The following TRDMT1 variants were observed in gnomAD, a reference collection of about 807,000 sequenced individuals.
TRDMT1 encodes the protein tRNA aspartic acid methyltransferase 1, also known as tRNA (cytosine(38)-C(5))-methyltransferase.
Under a neutral mutation model 51.2 loss-of-function variants are expected in TRDMT1, and 49 were observed. The observed-to-expected ratio is 0.96, with a 90% CI of 0.76 to 1.21. The LOEUF is 1.21. Ranked by LOEUF, TRDMT1 falls within the 50% of genes most tolerant of loss-of-function variation. The pLI, the probability that TRDMT1 is intolerant of heterozygous loss-of-function variation, is 0.00. For synonymous variants in TRDMT1, 187 were observed against 164.6 expected (o/e 1.14, Z -1.04); for missense variants, 534 against 462.3 (o/e 1.16, Z -1.42).
intron 9 of TRDMT1, 70 bp downstream of exon 9, chr10:17,154,607 T>A (rs1839240611): frequency 8.3e-7 from 1 of 1,208,128 alleles, no homozygotes; most frequent in Admixed American, 2.6e-5. Context: ...ATTATTCTAA[T>A]GTTCTCAAAG....
intron 1 of TRDMT1, 138 bp from the exon 2 acceptor site, chr10:17,174,798 C>A: frequency 1.5e-6 from 1 of 685,384 alleles, no homozygotes. Flanking sequence ...AGTGGAAGGT[C>A]AGGCCAGGGG....
chr10:17,169,510 A>G, intron 2 of TRDMT1: 2 of 1,289,864 alleles, frequency 1.6e-6, no homozygotes, highest in Non-Finnish European at 2.0e-6. Flanking sequence ...TGGGCTAAGT[A>G]GCTGAAAACT....
chr10:17,163,011 G>A lies in TRDMT1; in HGVS notation c.252-774C>T, dbSNP rs143257763. On this transcript the variant is annotated intron_variant, in intron 3 of 10. Transcript: ENST00000377799. The stretch of plus-strand genomic sequence containing the variant: ...TAACCAGAGTTCAGAGGAACGAACT[G>A]CTGAATGGAGTAGCAACCCGAAGCT... Among the ~76,000 whole-genome samples the A allele has an allele frequency of 3.8e-3, 571 of 152,228 alleles. 1 individual carries two copies. Among genetic ancestry groups the A allele is most frequent in the African/African-American group, 0.013 (532 of 41,550 alleles).
chr10:17,194,043 A>G (rs1406122549), intron 1 of TRDMT1, among the ~76,000 whole-genome samples: 1 of 152,014 alleles, frequency 6.6e-6, no homozygotes, highest in Admixed American at 6.6e-5. Context: ...CAAAGTAGAC[A>G]AAAAAAATGG....
chr10:17,182,576 G>C (rs975791204), intron 1 of TRDMT1, among the ~76,000 whole-genome samples: 5 of 152,132 alleles, frequency 3.3e-5, no homozygotes, highest in African/African-American at 1.2e-4. Flanking sequence ...TATTCTTCTT[G>C]ATAAAACTGT....
intron 1 of TRDMT1, among the ~76,000 whole-genome samples, chr10:17,183,111 T>A (rs929376052): frequency 3.3e-5 from 5 of 152,204 alleles, no homozygotes; most frequent in Non-Finnish European, 5.9e-5. Context: ...TATGTAAAGA[T>A]AAGAGTGTAT....
At chr10:17,174,166 A>G (rs1037269691) in intron 2 of TRDMT1, among the ~76,000 whole-genome samples, 2 of 152,234 alleles carry the variant, frequency 1.3e-5, no homozygotes, top group South Asian at 4.1e-4. Context: ...GTTTGCTAAA[A>G]TAAGAAGCAT....
intron 1 of TRDMT1, among the ~76,000 whole-genome samples, chr10:17,195,169 C>T (rs1303749818): frequency 1.3e-5 from 2 of 152,142 alleles, no homozygotes; most frequent in Admixed American, 6.5e-5. Context: ...CATATACTTG[C>T]ATGTTCATCA....
intron 10 of TRDMT1, chr10:17,153,211 T>G (rs1366256312): frequency 4.5e-6 from 2 of 440,312 alleles, no homozygotes; most frequent in East Asian, 6.6e-5. Context: ...GGAAAGGGGA[T>G]GCTATGCACA....
At chr10:17,156,613 T>A (rs148262320) in intron 8 of TRDMT1, among the ~76,000 whole-genome samples, 2 of 152,118 alleles carry the variant, frequency 1.3e-5, no homozygotes, top group African/African-American at 4.8e-5. Context: ...AATGTTCAAG[T>A]AATAACCCAA....
intron 1 of TRDMT1, among the ~76,000 whole-genome samples, chr10:17,194,465 AAAAC>A (rs1224827480): frequency 1.4e-4 from 21 of 152,192 alleles, no homozygotes; most frequent in African/African-American, 3.6e-4. Flanking sequence ...GAACAAGCAA[AAAAC>A]AAACAACCCC....
intron 8 of TRDMT1, among the ~76,000 whole-genome samples, chr10:17,156,337 C>A (rs973585606): frequency 1.3e-5 from 2 of 151,774 alleles, no homozygotes; most frequent in African/African-American, 4.8e-5. Context: ...CAGATTCAAG[C>A]GATTCTCCTG....
intron 1 of TRDMT1, among the ~76,000 whole-genome samples, chr10:17,181,375 C>T (rs1251556939): frequency 6.6e-6 from 1 of 152,140 alleles, no homozygotes; most frequent in Non-Finnish European, 1.5e-5. Context: ...ACAGTGGCTC[C>T]CTCACTAGAC....
Position 17,160,482 on chromosome 10 carries a change from T to G in TRDMT1, c.390-108A>C, listed in dbSNP as rs541669626. On this transcript the variant is annotated intron_variant, in intron 5 of 10. Transcript: ENST00000377799. Reference sequence around the variant, plus strand: ...TTTGTTTGTTTTCTTGTTTTTTTGGTTTTTTTTGAGACAGAGTCTCACTCT... The same window carrying G: ...TTTGTTTGTTTTCTTGTTTTTTTGGGTTTTTTTGAGACAGAGTCTCACTCT... 6.3e-5 allele frequency: 45 copies of G among 716,136 alleles called. No individual in the cohort carries two copies. In the East Asian group the frequency reaches 9.4e-4, roughly 15 times the overall value. The allele number at this position is 716,136 out of a possible 1,614,324, so 44.4% of individuals were successfully genotyped here. A position where few individuals can be genotyped will look rare whatever the true frequency, so the allele number is the denominator to read the frequency against.
chr10:17,192,337 G>A (rs1181273475), intron 1 of TRDMT1, among the ~76,000 whole-genome samples: 3 of 152,090 alleles, frequency 2.0e-5, no homozygotes, highest in Non-Finnish European at 2.9e-5. Context: ...GTTCAGCTTT[G>A]GGCATTCTAG....
chr10:17,186,221 A>G (rs1843898160), intron 1 of TRDMT1, among the ~76,000 whole-genome samples: 1 of 152,138 alleles, frequency 6.6e-6, no homozygotes, highest in South Asian at 2.1e-4. Context: ...AAGGTGTGAT[A>G]GGCAAAATAA....
chr10:17,174,413 G>A (rs1013623446), intron 2 of TRDMT1, 138 bp downstream of exon 2: 1 of 571,686 alleles, frequency 1.7e-6, no homozygotes, highest in Non-Finnish European at 3.0e-6. Flanking sequence ...GATATAAAAT[G>A]TTAATCTCCT....
intron 1 of TRDMT1, among the ~76,000 whole-genome samples, chr10:17,179,074 C>T (rs908475858): frequency 2.1e-4 from 32 of 152,010 alleles, no homozygotes; most frequent in Non-Finnish European, 5.9e-5. Context: ...AAGGAATCTA[C>T]AAGGAATGGA....
Position 17,153,413 on chromosome 10 carries a change from C to T in TRDMT1, c.1075+94G>A, listed in dbSNP as rs770430186. 10 of 1,415,142 alleles carry T rather than the reference C, an allele frequency of 7.1e-6. No individual in the cohort carries two copies. In the East Asian group the frequency reaches 1.6e-4, roughly 23 times the overall value. 87.7% of individuals were successfully genotyped at this position (1,415,142 alleles called of 1,614,324 possible). On this transcript the variant is annotated intron_variant, in intron 10 of 10. Coordinates refer to ENST00000377799, the MANE Select transcript of TRDMT1 (RefSeq NM_004412.7). ...AGGAAAGGAAAGAGGTTTCTTGAGC[C>T]CATTTGTTTAGGCAAGTCCTAGACA... is the stretch of plus-strand genomic sequence containing the variant.
Sources: gnomAD v4.1 joint callset for allele counts (sites outside exome capture counted in the v4.1 genomes callset) on GRCh38, gnomAD v4.1.1 for gene constraint, MANE v1.5 for transcripts, NCBI Gene and HGNC (gene_info 2026-07-23, HGNC 2026-07-21) for gene names.